The following HMGCL variants were observed in gnomAD, a reference collection of about 807,000 sequenced individuals.
HMGCL encodes hydroxymethylglutaryl-CoA lyase, mitochondrial.
Under a neutral mutation model 37.3 loss-of-function variants are expected in HMGCL, and 26 were observed. The observed-to-expected ratio is 0.70, with a 90% CI of 0.51 to 0.97. HMGCL has a LOEUF of 0.97. HMGCL is among the 50% of genes least tolerant of loss of function. The pLI is 0.00. For synonymous variants in HMGCL, 151 were observed against 148.0 expected, an observed-to-expected ratio of 1.02 and a Z score of -0.15; for missense variants, 379 against 398.1, an observed-to-expected ratio of 0.95 and a Z score of 0.41.
At chr1:23,804,876 A>ACCCCCCCCCCCCTC (rs138996016) in intron 7 of HMGCL, among the ~76,000 whole-genome samples, 1 of 61,286 alleles carries the variant, frequency 1.6e-5, no homozygotes, top group Admixed American at 1.8e-4. Context: ...TTCATTTATT[A>ACCCCCCCCCCCCTC]CCCCCCCCCC....
At position 23,817,590 on chromosome 1, in the gene HMGCL, T is replaced by G. The variant is rs1330736884; in HGVS notation, c.145-7A>C. The G allele has an allele frequency of 7.0e-6, 11 of 1,571,270 alleles. No homozygotes were observed. Among genetic ancestry groups the G allele is most frequent in the Non-Finnish European group, 7.0e-6 (8 of 1,141,710 alleles). ...CTGGAGTAGATACGATATTCTATAG[T>G]GGAGAGAGAAACACCAAGGCAGCAA... On this transcript the variant is annotated splice_region_variant and splice_polypyrimidine_tract_variant and intron_variant, in intron 2 of 8. Coordinates refer to ENST00000374490, the MANE Select transcript of HMGCL (RefSeq NM_000191.3).
rs1443286777 is a variant in HMGCL at position 23,821,475 on chromosome 1, A to T, written c.61-882T>A. On this transcript the variant is annotated intron_variant, in intron 1 of 8. Transcript: ENST00000374490. ...GTTCGAGATCAGCCTGGCCAACATG[A>T]TGAAGAAACCCCGTCTCTACTAAAA... Among the ~76,000 whole-genome samples the T allele has an allele frequency of 3.3e-5, 5 of 151,980 alleles. 1 individual carries two copies. The highest frequency in any genetic ancestry group is 1.2e-4 in the African/African-American group (5 of 41,378).
In HMGCL at chr1:23,822,902, G is replaced by A. The variant is rs150909615; in HGVS notation, c.61-2309C>T. 2.0e-3 allele frequency among the ~76,000 whole-genome samples: 304 copies of A among 152,282 alleles called. 1 individual carries two copies. Among genetic ancestry groups the A allele is most frequent in the African/African-American group, 6.5e-3 (270 of 41,560 alleles). On this transcript the variant is annotated intron_variant, in intron 1 of 8. Coordinates refer to ENST00000374490, the MANE Select transcript of HMGCL (RefSeq NM_000191.3). ...ATCTAAAACCTGCTTCAGGCCAAGC[G>A]TGGTGGCTCACGCCTGTAATCCCAG...
At chr1:23,804,891 A>C (rs1162762212) in intron 7 of HMGCL, among the ~76,000 whole-genome samples, 204 of 32,174 alleles carry the variant, frequency 6.3e-3, no homozygotes, top group African/African-American at 7.0e-3. Flanking sequence ...CCCCCCACTT[A>C]CCCCCCACCA....
At chr1:23,809,232 A>AT (rs1557488269) in intron 6 of HMGCL, 31 of 71,640 alleles carry the variant, frequency 4.3e-4, no homozygotes, top group African/African-American at 1.8e-3. Flanking sequence ...ATATATATAT[A>AT]TATATATTTT....
chr1:23,811,709 TGAG>T (rs1455594319), intron 5 of HMGCL, among the ~76,000 whole-genome samples: 1 of 152,040 alleles, frequency 6.6e-6, no homozygotes, highest in African/African-American at 2.4e-5. Context: ...AAGTATGAGA[TGAG>T]GAGGTCAGCA....
At chr1:23,812,113 C>T (rs969033178) in intron 5 of HMGCL, among the ~76,000 whole-genome samples, 3 of 152,124 alleles carry the variant, frequency 2.0e-5, no homozygotes, top group Non-Finnish European at 2.9e-5. Flanking sequence ...AGTGGAGCAC[C>T]CCAGGGACTG....
In HMGCL at chr1:23,802,466, G is replaced by A; in HGVS notation, c.975C>T (p.Leu325=). Residue 325 remains leucine (L), a synonymous_variant, in exon 9 of 9, where the codon CTC becomes CTT. Coordinates refer to ENST00000374490, the MANE Select transcript of HMGCL (RefSeq NM_000191.3). Reference sequence around the variant, plus strand: ...GGGCTTCAGGTGGGCAAGGGGCTCAGAGTTTACAGGTAGCCTGAGCCACTT... The same window carrying A: ...GGGCTTCAGGTGGGCAAGGGGCTCAAAGTTTACAGGTAGCCTGAGCCACTT... ...SSKVAQATCK[L] 2 of 1,605,294 alleles carry A rather than the reference G, an allele frequency of 1.2e-6. No individual in the cohort carries two copies. Among genetic ancestry groups the A allele is most frequent in the Non-Finnish European group, 1.7e-6 (2 of 1,171,932 alleles).
intron 1 of HMGCL, among the ~76,000 whole-genome samples, chr1:23,823,779 A>T (rs1638765642): frequency 6.6e-6 from 1 of 151,930 alleles, no homozygotes; most frequent in Admixed American, 6.6e-5. Flanking sequence ...GAATCGCTTG[A>T]ACCTGGGAGG....
intron 1 of HMGCL, among the ~76,000 whole-genome samples, chr1:23,821,476 T>G (rs1273585981): frequency 1.3e-5 from 2 of 151,834 alleles, no homozygotes; most frequent in African/African-American, 4.8e-5. Flanking sequence ...GCCAACATGA[T>G]GAAGAAACCC....
chr1:23,801,913 C>T lies in HMGCL; in HGVS notation c.*550G>A. On this transcript the variant is annotated 3_prime_UTR_variant, in exon 9 of 9. Coordinates refer to ENST00000374490, the MANE Select transcript of HMGCL (RefSeq NM_000191.3). Reference sequence around the variant, plus strand: ...TGATGTGCCATTCAACCTTTAATTACATAAGCTGTTTTCAAAAATCACATT... The same window carrying T: ...TGATGTGCCATTCAACCTTTAATTATATAAGCTGTTTTCAAAAATCACATT... 2.4e-6 allele frequency: 1 copy of T among 423,054 alleles called. No individual in the cohort carries two copies. Among genetic ancestry groups the T allele is most frequent in the Non-Finnish European group, 4.2e-6 (1 of 239,028 alleles). The allele number at this position is 423,054 out of a possible 1,614,324, so 26.2% of individuals were successfully genotyped here. A position where few individuals can be genotyped will look rare whatever the true frequency, so the allele number is the denominator to read the frequency against.
chr1:23,802,356 G>A lies in HMGCL; in HGVS notation c.*107C>T. ...ACCTCTGTGTAGAGCTGGCTATGAG[G>A]TACCTGCACCATTTAACCTATTCTC... On this transcript the variant is annotated 3_prime_UTR_variant, in exon 9 of 9. Coordinates refer to ENST00000374490, the MANE Select transcript of HMGCL (RefSeq NM_000191.3). The A allele has an allele frequency of 1.2e-6, 1 of 811,410 alleles. No homozygotes were observed. The highest frequency in any genetic ancestry group is 2.2e-6 in the Non-Finnish European group (1 of 456,976). 50.3% of individuals were successfully genotyped at this position (811,410 alleles called of 1,614,324 possible).
chr1:23,817,599 A>G lies in HMGCL; in HGVS notation c.145-16T>C. 1 of 1,509,850 alleles carries G rather than the reference A, an allele frequency of 6.6e-7. No individual in the cohort carries two copies. The highest frequency in any genetic ancestry group is 2.3e-5 in the East Asian group (1 of 44,402). The allele number at this position is 1,509,850 out of a possible 1,614,324, so 93.5% of individuals were successfully genotyped here. A position where few individuals can be genotyped will look rare whatever the true frequency, so the allele number is the denominator to read the frequency against. ...ATACGATATTCTATAGTGGAGAGAG[A>G]AACACCAAGGCAGCAAAGTTAGTAA... On this transcript the variant is annotated splice_polypyrimidine_tract_variant and intron_variant, in intron 2 of 8. Coordinates refer to ENST00000374490, the MANE Select transcript of HMGCL (RefSeq NM_000191.3).
chr1:23,824,137 T>C (rs1236495758), intron 1 of HMGCL, among the ~76,000 whole-genome samples: 1 of 152,204 alleles, frequency 6.6e-6, no homozygotes, highest in Non-Finnish European at 1.5e-5. Context: ...TGTGCCACAG[T>C]GTCCTGAGGT....
chr1:23,820,248 T>C (rs1004084658), intron 2 of HMGCL, among the ~76,000 whole-genome samples: 1 of 152,130 alleles, frequency 6.6e-6, no homozygotes, highest in Non-Finnish European at 1.5e-5. Flanking sequence ...CTCAAACTCC[T>C]GGGCTCAAGC....
intron 1 of HMGCL, among the ~76,000 whole-genome samples, chr1:23,821,183 C>G (rs1385485896): frequency 6.6e-6 from 1 of 151,332 alleles, no homozygotes; most frequent in Admixed American, 6.6e-5. Context: ...GGTGAAACCC[C>G]ATCTCTACTA....
chr1:23,818,159 T>C (rs1286318304), intron 2 of HMGCL, among the ~76,000 whole-genome samples: 1 of 152,116 alleles, frequency 6.6e-6, no homozygotes, highest in Non-Finnish European at 1.5e-5. Flanking sequence ...CGCAAAAAAT[T>C]CTAAGAACTC....
intron 1 of HMGCL, among the ~76,000 whole-genome samples, chr1:23,822,546 C>T (rs2502978): frequency 0.04 from 6,112 of 152,218 alleles, 402 homozygotes; most frequent in African/African-American, 0.14. Flanking sequence ...GATCTCAACC[C>T]CCTGAAGTCC....
chr1:23,824,882 A>G (rs1212229816), intron 1 of HMGCL, among the ~76,000 whole-genome samples: 2 of 152,200 alleles, frequency 1.3e-5, no homozygotes, highest in African/African-American at 2.4e-5. Flanking sequence ...TCAAAGTGCA[A>G]TTCCAAGGGA....
Sources: gnomAD v4.1 joint callset for allele counts (sites outside exome capture counted in the v4.1 genomes callset) on GRCh38, gnomAD v4.1.1 for gene constraint, MANE v1.5 for transcripts, NCBI Gene and HGNC (gene_info 2026-07-23, HGNC 2026-07-21) for gene names.